The following MORN4 variants were observed in gnomAD, a reference collection of about 807,000 sequenced individuals.
MORN4 encodes the protein MORN repeat-containing protein 4.
A neutral mutation model predicts 16.4 loss-of-function variants in MORN4; 8 were observed. The ratio of observed to expected loss-of-function variants is 0.49; its 90% CI spans 0.29 to 0.88. The LOEUF is 0.88. Ranked by LOEUF, MORN4 falls within the 40% of genes least tolerant of loss-of-function variation. The probability of loss-of-function intolerance (pLI) is 0.09; values close to 1 mark genes in which losing one functional copy is unlikely to be tolerated. For synonymous variants in MORN4, 53 were observed against 68.9 expected (o/e 0.77, Z 1.14); for missense variants, 159 against 182.9 (o/e 0.87, Z 0.75).
chr10:97,623,944 G>A (rs2041326728), intron 1 of MORN4, among the ~76,000 whole-genome samples: 2 of 151,990 alleles, frequency 1.3e-5, no homozygotes, highest in African/African-American at 2.4e-5. Flanking sequence ...CACCGTGTTA[G>A]CCAGGATGGT....
chr10:97,616,248 GTGCCCACTGCGCTGT>G lies in MORN4; in HGVS notation c.441_*14del. 1 of 1,557,980 alleles carries G rather than the reference GTGCCCACTGCGCTGT, an allele frequency of 6.4e-7. No homozygotes were observed. Among genetic ancestry groups the G allele is most frequent in the Admixed American group, 2.0e-5 (1 of 50,338 alleles). On this transcript the variant is annotated stop_lost and 3_prime_UTR_variant, in exon 5 of 5. Transcript: ENST00000307450. ...GGCTTTACCCAATACTTATCAGCTG[GTGCCCACTGCGCTGT>G]CAGGCAGTGAGATTTCTGGCTGACT...
intron 1 of MORN4, among the ~76,000 whole-genome samples, chr10:97,623,613 AC>A (rs577155155): frequency 4.1e-4 from 62 of 152,036 alleles, no homozygotes; most frequent in Non-Finnish European, 7.9e-4. Flanking sequence ...TCATTATGTT[AC>A]CCAGGCTGGA....
Position 97,618,867 on chromosome 10 carries a change from C to T in MORN4, c.67+720G>A, listed in dbSNP as rs551505855. ...GAGTCAGGCTGCCTGCTGTGTTTGCCTTCTTGTTCTACCACTTAGAGTTCT... is the reference window on the plus strand; with the variant it reads ...GAGTCAGGCTGCCTGCTGTGTTTGCTTTCTTGTTCTACCACTTAGAGTTCT... On this transcript the variant is annotated intron_variant, in intron 2 of 4. Coordinates refer to ENST00000307450, the MANE Select transcript of MORN4 (RefSeq NM_178832.4). 2.6e-5 allele frequency among the ~76,000 whole-genome samples: 4 copies of T among 151,368 alleles called. No homozygotes were observed. In the South Asian group the frequency reaches 8.4e-4, roughly 32 times the overall value.
intron 1 of MORN4, among the ~76,000 whole-genome samples, chr10:97,628,653 C>T (rs1273503624): frequency 6.6e-6 from 1 of 152,072 alleles, no homozygotes; most frequent in Non-Finnish European, 1.5e-5. Context: ...CGTGCCTCAG[C>T]CTCCTGAGTA....
chr10:97,621,123 GAAATAAAT>G (rs35172768), intron 1 of MORN4, among the ~76,000 whole-genome samples: 6 of 149,664 alleles, frequency 4.0e-5, no homozygotes, highest in African/African-American at 5.0e-5. Flanking sequence ...TCTGTCTCGA[GAAATAAAT>G]AAATAAATAA....
At chr10:97,632,604 G>C (rs2135745217) in intron 1 of MORN4, among the ~76,000 whole-genome samples, 1 of 152,130 alleles carries the variant, frequency 6.6e-6, no homozygotes, top group East Asian at 1.9e-4. Flanking sequence ...CATGTGAAAA[G>C]TAAAGAAATG....
At chr10:97,632,778 C>T (rs2041408160) in intron 1 of MORN4, among the ~76,000 whole-genome samples, 1 of 151,204 alleles carries the variant, frequency 6.6e-6, no homozygotes, top group South Asian at 2.1e-4. Flanking sequence ...TGCCAGAATA[C>T]TATCCTATTT....
At chr10:97,616,639 G>A (rs2041238823) in intron 4 of MORN4, 39 bp downstream of exon 4, 7 of 1,501,822 alleles carry the variant, frequency 4.7e-6, no homozygotes, top group Non-Finnish European at 6.5e-6. Context: ...CCCATATTAT[G>A]CCCACCTAAG....
chr10:97,616,853 A>T, intron 3 of MORN4, 66 bp from the exon 4 acceptor site: 2 of 1,114,736 alleles, frequency 1.8e-6, no homozygotes, highest in South Asian at 2.5e-5. Flanking sequence ...GGAGTCGAGC[A>T]GCTGCTGATC....
At chr10:97,619,434 T>C (rs1042564148) in intron 2 of MORN4, 153 bp downstream of exon 2, 7 of 670,734 alleles carry the variant, frequency 1.0e-5, no homozygotes, top group Admixed American at 9.3e-5. Flanking sequence ...CTTTATTTAA[T>C]CCTAAAATGG....
chr10:97,620,470 C>T (rs1160774840), intron 1 of MORN4, among the ~76,000 whole-genome samples: 3 of 118,212 alleles, frequency 2.5e-5, no homozygotes, highest in African/African-American at 1.0e-4. Context: ...GCCTGGGTGA[C>T]GGAGCAAGAC....
Position 97,616,085 on chromosome 10 carries a change from G to T in MORN4, c.*178C>A. On this transcript the variant is annotated 3_prime_UTR_variant, in exon 5 of 5. Transcript: ENST00000307450. The stretch of plus-strand genomic sequence containing the variant: ...TGACTGCTGCAGGGTCTGCTGGCCA[G>T]CATCCTCAGCACTTTTCTGTGGTCC... The T allele has an allele frequency of 1.8e-6, 1 of 554,708 alleles. No homozygotes were observed. Among genetic ancestry groups the T allele is most frequent in the Non-Finnish European group, 3.0e-6 (1 of 335,940 alleles). 34.4% of individuals were successfully genotyped at this position (554,708 alleles called of 1,614,324 possible).
intron 1 of MORN4, among the ~76,000 whole-genome samples, chr10:97,629,808 G>A (rs2041379492): frequency 6.6e-6 from 1 of 152,116 alleles, no homozygotes; most frequent in South Asian, 2.1e-4. Flanking sequence ...ACGCTGGGTG[G>A]AGTACAGTGG....
chr10:97,628,938 G>A (rs940821013), intron 1 of MORN4, among the ~76,000 whole-genome samples: 3 of 152,152 alleles, frequency 2.0e-5, no homozygotes, highest in African/African-American at 4.8e-5. Context: ...CAAATGTGGC[G>A]GACTGTATTT....
chr10:97,617,082 T>C, intron 3 of MORN4, 126 bp downstream of exon 3: 1 of 774,142 alleles, frequency 1.3e-6, no homozygotes, highest in South Asian at 1.7e-5. Flanking sequence ...AAGAACTACT[T>C]ATTACTCATC....
At chr10:97,622,839 C>T (rs1015326668) in intron 1 of MORN4, among the ~76,000 whole-genome samples, 1 of 149,228 alleles carries the variant, frequency 6.7e-6, no homozygotes, top group Admixed American at 6.7e-5. Context: ...TAGGTCTCTT[C>T]ATTCATCCCT....
chr10:97,631,713 C>T (rs906765927), intron 1 of MORN4, among the ~76,000 whole-genome samples: 7 of 151,830 alleles, frequency 4.6e-5, no homozygotes, highest in African/African-American at 1.5e-4. Flanking sequence ...GCAAGAGGAT[C>T]GCTTGAGCCC....
intron 1 of MORN4, among the ~76,000 whole-genome samples, chr10:97,621,220 G>A (rs2041290480): frequency 6.6e-6 from 1 of 152,278 alleles, no homozygotes; most frequent in South Asian, 2.1e-4. Flanking sequence ...AGCCCAGAGA[G>A]GTAATAAAGT....
At chr10:97,617,930 G>A (rs2041251072) in intron 2 of MORN4, among the ~76,000 whole-genome samples, 1 of 152,098 alleles carries the variant, frequency 6.6e-6, no homozygotes, top group Non-Finnish European at 1.5e-5. Flanking sequence ...CCAGCACTTT[G>A]GGAGGCCGAG....
Sources: allele counts gnomAD v4.1 joint callset (sites outside exome capture counted in the v4.1 genomes callset), GRCh38; gene constraint gnomAD v4.1.1; transcripts MANE v1.5; gene names NCBI Gene and HGNC (gene_info 2026-07-23, HGNC 2026-07-21).